The following CSMD3 variants were observed in gnomAD, a reference collection of about 807,000 sequenced individuals.
CSMD3 encodes CUB and Sushi multiple domains 3.
Under a neutral mutation model 435.2 loss-of-function variants are expected in CSMD3, and 177 were observed. The observed-to-expected ratio is 0.41, with a 90% CI of 0.36 to 0.46. The LOEUF is 0.46. Ranked by LOEUF, CSMD3 falls within the 20% of genes least tolerant of loss-of-function variation. CSMD3 has a pLI of 0.34. For synonymous variants in CSMD3, 1,656 were observed against 1,520.5 expected, an observed-to-expected ratio of 1.09 and a Z score of -2.07; for missense variants, 4,265 against 4,504.6, an observed-to-expected ratio of 0.95 and a Z score of 1.52.
At chr8:113,355,970 CA>C (rs2094224269) in intron 1 of CSMD3, among the ~76,000 whole-genome samples, 1 of 150,682 alleles carries the variant, frequency 6.6e-6, no homozygotes, top group African/African-American at 2.4e-5. Context: ...ACCTTAAAAT[CA>C]TGTTAGAATT....
chr8:113,286,834 T>C (rs781694159), intron 2 of CSMD3, among the ~76,000 whole-genome samples: 2 of 151,838 alleles, frequency 1.3e-5, no homozygotes, highest in Non-Finnish European at 2.9e-5. Context: ...ATATTGCTGC[T>C]TATAATAAGA....
intron 1 of CSMD3, among the ~76,000 whole-genome samples, chr8:113,365,144 G>T (rs141223063): frequency 6.6e-6 from 1 of 152,056 alleles, no homozygotes; most frequent in East Asian, 1.9e-4. Context: ...AAGAGTTTAT[G>T]ACTTTTCATG....
chr8:113,094,332 T>C lies in CSMD3; in HGVS notation c.917+4424A>G, dbSNP rs575555440. 1.4e-4 allele frequency among the ~76,000 whole-genome samples: 22 copies of C among 152,294 alleles called. No individual in the cohort carries two copies. The South Asian group carries it at 4.4e-3, about 30-fold the overall frequency. The stretch of plus-strand genomic sequence containing the variant: ...CTAAATGGTCTTTTAATCTTCACTT[T>C]CTTCTTCTGCCTCACCCTTTAGTTA... On this transcript the variant is annotated intron_variant, in intron 5 of 70. Coordinates refer to ENST00000297405, the MANE Select transcript of CSMD3 (RefSeq NM_198123.2).
chr8:112,891,727 T>C (rs2081797241), intron 10 of CSMD3, among the ~76,000 whole-genome samples: 1 of 151,624 alleles, frequency 6.6e-6, no homozygotes, highest in African/African-American at 2.4e-5. Flanking sequence ...AACAACTGTA[T>C]AAAATGGGTT....
intron 1 of CSMD3, among the ~76,000 whole-genome samples, chr8:113,374,467 T>C (rs2133068012): frequency 6.6e-6 from 1 of 152,210 alleles, no homozygotes; most frequent in Admixed American, 6.5e-5. Flanking sequence ...TAGGAAATAC[T>C]GAAAAATACA....
chr8:113,183,799 G>T (rs947939430), intron 3 of CSMD3, among the ~76,000 whole-genome samples: 1 of 151,840 alleles, frequency 6.6e-6, no homozygotes, highest in Non-Finnish European at 1.5e-5. Context: ...CAGGGTAATG[G>T]GTTCTTGTGT....
intron 1 of CSMD3, among the ~76,000 whole-genome samples, chr8:113,426,617 A>C (rs190341495): frequency 6.6e-6 from 1 of 151,554 alleles, no homozygotes; most frequent in Non-Finnish European, 1.5e-5. Flanking sequence ...TCAAAGAAGA[A>C]ACAAATGGCT....
At chr8:112,841,908 A>G (rs745911421) in intron 11 of CSMD3, among the ~76,000 whole-genome samples, 12 of 151,834 alleles carry the variant, frequency 7.9e-5, no homozygotes, top group Non-Finnish European at 1.2e-4. Flanking sequence ...CAGATATGTA[A>G]TACTGAGCAA....
At chr8:113,107,064 C>T (rs1187695059) in intron 4 of CSMD3, among the ~76,000 whole-genome samples, 1 of 152,162 alleles carries the variant, frequency 6.6e-6, no homozygotes, top group African/African-American at 2.4e-5. Context: ...CCTTAGACAA[C>T]CATGAATCCA....
At chr8:112,306,287 G>A (rs140522993) in intron 50 of CSMD3, 95 bp from the exon 51 acceptor site, 588 of 888,756 alleles carry the variant, frequency 6.6e-4, no homozygotes, top group Admixed American at 1.2e-3. Flanking sequence ...CAAAACTAAC[G>A]GGGATTTTTA....
chr8:113,200,686 C>G (rs955939442), intron 3 of CSMD3, among the ~76,000 whole-genome samples: 16 of 150,790 alleles, frequency 1.1e-4, no homozygotes, highest in African/African-American at 3.9e-4. Context: ...TGCTTCATAA[C>G]GAAATGAAGA....
chr8:112,381,094 C>CT (rs1829426790), intron 37 of CSMD3, among the ~76,000 whole-genome samples: 1 of 152,050 alleles, frequency 6.6e-6, no homozygotes. Flanking sequence ...AAAGTAACAA[C>CT]TTTTTATGAG....
intron 55 of CSMD3, 28 bp downstream of exon 55, chr8:112,292,509 C>T (rs2130686929): frequency 1.2e-6 from 2 of 1,608,664 alleles, no homozygotes; most frequent in Non-Finnish European, 1.7e-6. Flanking sequence ...TATCATGCCA[C>T]CAAATGGGAA....
At chr8:113,080,535 T>A (rs1694618845) in intron 5 of CSMD3, among the ~76,000 whole-genome samples, 1 of 152,144 alleles carries the variant, frequency 6.6e-6, no homozygotes, top group Admixed American at 6.5e-5. Flanking sequence ...ATCTCCCTAA[T>A]GCAATATGAT....
At chr8:112,833,483 A>T (rs2079935205) in intron 11 of CSMD3, among the ~76,000 whole-genome samples, 1 of 152,048 alleles carries the variant, frequency 6.6e-6, no homozygotes, top group Admixed American at 6.6e-5. Context: ...CATATTATTT[A>T]AAAACATTTG....
chr8:113,430,057 C>T (rs1280422015), intron 1 of CSMD3, among the ~76,000 whole-genome samples: 1 of 152,058 alleles, frequency 6.6e-6, no homozygotes, highest in Non-Finnish European at 1.5e-5. Flanking sequence ...TGTGAGTCTG[C>T]CCCTTATTCA....
intron 11 of CSMD3, among the ~76,000 whole-genome samples, chr8:112,843,895 T>A (rs1266648700): frequency 6.6e-6 from 1 of 151,780 alleles, no homozygotes; most frequent in Admixed American, 6.6e-5. Context: ...TATATTAATA[T>A]TATTATTTGT....
chr8:112,922,195 G>T (rs905260918), intron 9 of CSMD3, among the ~76,000 whole-genome samples: 3 of 151,942 alleles, frequency 2.0e-5, no homozygotes, highest in African/African-American at 7.2e-5. Flanking sequence ...TGTACTGATT[G>T]ATTTTCATAA....
chr8:112,995,287 G>C (rs1276161139), intron 6 of CSMD3, among the ~76,000 whole-genome samples: 2 of 151,348 alleles, frequency 1.3e-5, no homozygotes, highest in African/African-American at 4.8e-5. Context: ...TTAGTGCAAT[G>C]ATTAAAAGAT....
Sources: allele counts gnomAD v4.1 joint callset (sites outside exome capture counted in the v4.1 genomes callset), GRCh38; gene constraint gnomAD v4.1.1; transcripts MANE v1.5; gene names NCBI Gene and HGNC (gene_info 2026-07-23, HGNC 2026-07-21).